The following TMEM131 variants were observed in gnomAD, a reference collection of about 807,000 sequenced individuals.
The protein encoded by TMEM131 is transmembrane protein 131.
TMEM131 carries 66 observed loss-of-function variants against 211.6 expected under a neutral mutation model. The observed-to-expected ratio is 0.31, with a 90% confidence interval of 0.26 to 0.38. The LOEUF is 0.38. TMEM131 is among the 10% of genes least tolerant of loss of function. The probability of loss-of-function intolerance (pLI) is 1.00; values close to 1 mark genes in which losing one functional copy is unlikely to be tolerated. For missense variants in TMEM131, 2,036 were observed against 2,299.3 expected (o/e 0.89, Z 2.34); for synonymous variants, 844 against 841.3 (o/e 1.00, Z -0.06).
chr2:97,945,587 C>T (rs1477023808), intron 1 of TMEM131, among the ~76,000 whole-genome samples: 1 of 151,982 alleles, frequency 6.6e-6, no homozygotes, highest in Non-Finnish European at 1.5e-5. Context: ...AAAATGTAAT[C>T]TCTGCTCAAG....
At chr2:97,760,257 A>C (rs1166063612) in intron 38 of TMEM131, 1 of 312,922 alleles carries the variant, frequency 3.2e-6, no homozygotes, top group Non-Finnish European at 6.0e-6. Context: ...CCCCCTCCCA[A>C]GTCACTTTCG....
At chr2:97,865,510 T>C (rs1050679898) in intron 4 of TMEM131, among the ~76,000 whole-genome samples, 2 of 152,250 alleles carry the variant, frequency 1.3e-5, no homozygotes, top group African/African-American at 4.8e-5. Context: ...TTATCTCAAA[T>C]GTTTTTTCTG....
intron 1 of TMEM131, among the ~76,000 whole-genome samples, chr2:97,994,134 AC>A (rs1213723175): frequency 1.3e-5 from 2 of 152,208 alleles, no homozygotes; most frequent in African/African-American, 4.8e-5. Flanking sequence ...TTCACTGAAC[AC>A]CCACTACAGG....
intron 5 of TMEM131, among the ~76,000 whole-genome samples, chr2:97,853,787 G>T (rs1468736007): frequency 6.6e-6 from 1 of 152,072 alleles, no homozygotes; most frequent in East Asian, 1.9e-4. Flanking sequence ...AATTAGAAGT[G>T]GCATCTGCAG....
chr2:97,962,491 G>C (rs928430012), intron 1 of TMEM131, among the ~76,000 whole-genome samples: 1 of 152,106 alleles, frequency 6.6e-6, no homozygotes, highest in African/African-American at 2.4e-5. Flanking sequence ...GCAACAGAGT[G>C]AGACTCCGTC....
chr2:97,953,740 A>C (rs1357872894), intron 1 of TMEM131, among the ~76,000 whole-genome samples: 1 of 152,206 alleles, frequency 6.6e-6, no homozygotes, highest in Non-Finnish European at 1.5e-5. Context: ...ATGCACCAGG[A>C]CAGACCATAC....
chr2:97,841,192 AG>A (rs1683176093), intron 7 of TMEM131, among the ~76,000 whole-genome samples: 1 of 152,220 alleles, frequency 6.6e-6, no homozygotes, highest in South Asian at 2.1e-4. Context: ...CTAAGTCCCT[AG>A]GATGTAAGGT....
intron 12 of TMEM131, among the ~76,000 whole-genome samples, chr2:97,816,358 A>AAAAT (rs1339382315): frequency 2.0e-5 from 3 of 152,194 alleles, no homozygotes; most frequent in African/African-American, 7.2e-5. Context: ...CAAAAATTAA[A>AAAAT]AAATAAATAA....
chr2:97,950,634 A>T (rs1678268817), intron 1 of TMEM131, among the ~76,000 whole-genome samples: 6 of 148,266 alleles, frequency 4.0e-5, no homozygotes, highest in South Asian at 2.1e-4. Context: ...CTTAGAAATA[A>T]TTTTTTTTTT....
rs368132982 is a variant in TMEM131 at position 97,921,476 on chromosome 2, A to G, written c.249+5950T>C. 5.2e-5 allele frequency among the ~76,000 whole-genome samples: 8 copies of G among 152,382 alleles called. 1 individual carries two copies. The highest frequency in any genetic ancestry group is 2.6e-4 in the Admixed American group (4 of 15,312). The stretch of plus-strand genomic sequence containing the variant: ...GACACAAAATAAAAAAGTATTAACC[A>G]TAATGGAAAATACTGACAGACTGAA... On this transcript the variant is annotated intron_variant, in intron 2 of 40. Transcript: ENST00000186436.
rs1208908782 is a variant in TMEM131 at position 97,762,358 on chromosome 2, G to C, written c.4724-158C>G. ...TGTGTTCTGTTTAACAGGTTTTAAAGAGAAAGCAGCCACATCTCTCTGCAC... is the reference window on the plus strand; with the variant it reads ...TGTGTTCTGTTTAACAGGTTTTAAACAGAAAGCAGCCACATCTCTCTGCAC... On this transcript the variant is annotated intron_variant, in intron 35 of 40. Transcript: ENST00000186436. 11 of 703,710 alleles carry C rather than the reference G, an allele frequency of 1.6e-5. 1 individual carries two copies. In the East Asian group the frequency reaches 2.1e-4, roughly 14 times the overall value. The allele number at this position is 703,710 out of a possible 1,614,324, so 43.6% of individuals were successfully genotyped here. A position where few individuals can be genotyped will look rare whatever the true frequency, so the allele number is the denominator to read the frequency against.
intron 4 of TMEM131, among the ~76,000 whole-genome samples, chr2:97,872,126 CT>C (rs1034801129): frequency 1.8e-4 from 28 of 152,150 alleles, no homozygotes; most frequent in African/African-American, 6.3e-4. Context: ...ACAAAGAAAG[CT>C]AATTTGATCT....
At chr2:97,793,185 A>G in intron 30 of TMEM131, 2 of 643,972 alleles carry the variant, frequency 3.1e-6, no homozygotes, top group East Asian at 5.6e-5. Context: ...GATCTAACTA[A>G]AAGTATTTTA....
chr2:97,819,672 G>A (rs1052116313), intron 11 of TMEM131, among the ~76,000 whole-genome samples: 1 of 152,090 alleles, frequency 6.6e-6, no homozygotes, highest in African/African-American at 2.4e-5. Context: ...TCTGAACCTT[G>A]GTCTGAACCC....
rs558177048 is a variant in TMEM131, at chr2:97,876,248, C to T, written c.359+11804G>A. Among the ~76,000 whole-genome samples, 3 of 152,266 alleles carry T rather than the reference C, an allele frequency of 2.0e-5. No individual in the cohort carries two copies. The East Asian group carries it at 5.8e-4, about 29-fold the overall frequency. On this transcript the variant is annotated intron_variant, in intron 4 of 40. Transcript: ENST00000186436. ...CCAACCGAAAAAGTCCAGGACCAGA[C>T]AGATTCACAGCCAAATTCTATCAGA...
intron 4 of TMEM131, among the ~76,000 whole-genome samples, chr2:97,867,873 G>A (rs1290188887): frequency 6.6e-6 from 1 of 152,140 alleles, no homozygotes; most frequent in Non-Finnish European, 1.5e-5. Context: ...GAGCATAATA[G>A]AATAGGTTGT....
Position 97,873,451 on chromosome 2 carries a change from T to C in TMEM131, c.360-14024A>G, listed in dbSNP as rs555564309. 2.6e-3 allele frequency among the ~76,000 whole-genome samples: 403 copies of C among 152,322 alleles called. 3 individuals carry two copies. Among genetic ancestry groups the C allele is most frequent in the African/African-American group, 9.0e-3 (376 of 41,566 alleles). On this transcript the variant is annotated intron_variant, in intron 4 of 40. Transcript: ENST00000186436. ...GTCCCTGACCGCCGTGTATCCTCAC[T>C]GGGAGAAAACTCCCAGTAGGGGCCA... is the stretch of plus-strand genomic sequence containing the variant.
At chr2:97,975,870 T>C (rs1353082951) in intron 1 of TMEM131, among the ~76,000 whole-genome samples, 1 of 149,414 alleles carries the variant, frequency 6.7e-6, no homozygotes, top group Non-Finnish European at 1.5e-5. Flanking sequence ...TTCTAAGTCT[T>C]AGCAAACAAA....
At chr2:97,805,320 T>TA in intron 21 of TMEM131, 56 bp downstream of exon 21, 1 of 1,587,916 alleles carries the variant, frequency 6.3e-7, no homozygotes, top group Middle Eastern at 1.7e-4. Flanking sequence ...GGCCTCTTAC[T>TA]AAAAGAGTAT....
Sources: allele counts gnomAD v4.1 joint callset (sites outside exome capture counted in the v4.1 genomes callset), GRCh38; gene constraint gnomAD v4.1.1; transcripts MANE v1.5; gene names NCBI Gene and HGNC (gene_info 2026-07-23, HGNC 2026-07-21).